Variants in XKR3 observed in about 807,000 individuals in gnomAD.
The protein encoded by XKR3 is XK related 3, also known as XK-related protein 3.
In XKR3, 27 loss-of-function variants were observed where a neutral mutation model predicts 40.3. The ratio of observed to expected loss-of-function variants is 0.67; its 90% CI spans 0.49 to 0.92. The LOEUF (loss-of-function observed/expected upper bound fraction) is 0.92. Among genes scored for constraint, XKR3 ranks in the 40% least tolerant of loss-of-function variants. XKR3 has a pLI of 0.00. For synonymous variants in XKR3, 193 were observed against 195.4 expected (o/e 0.99, Z 0.10); for missense variants, 472 against 537.6 (o/e 0.88, Z 1.21).
chr22:16,818,601 A>C (rs1432135041), intron 1 of XKR3, among the ~76,000 whole-genome samples: 1 of 152,120 alleles, frequency 6.6e-6, no homozygotes, highest in Non-Finnish European at 1.5e-5. Context: ...CAGAAAAAAA[A>C]CTACTACTTC....
At chr22:16,794,615 C>A (rs2060133118) in intron 3 of XKR3, among the ~76,000 whole-genome samples, 1 of 152,190 alleles carries the variant, frequency 6.6e-6, no homozygotes, top group Non-Finnish European at 1.5e-5. Context: ...CAAAAGCACA[C>A]TTAAGCGCAA....
intron 3 of XKR3, among the ~76,000 whole-genome samples, chr22:16,794,841 T>C (rs1432646984): frequency 1.3e-5 from 2 of 152,156 alleles, no homozygotes; most frequent in Non-Finnish European, 2.9e-5. Flanking sequence ...GTAAGATCCA[T>C]CATGCTAATG....
intron 3 of XKR3, among the ~76,000 whole-genome samples, chr22:16,791,198 C>G (rs1473465170): frequency 6.6e-6 from 1 of 151,338 alleles, no homozygotes; most frequent in African/African-American, 2.4e-5. Flanking sequence ...TACATATACA[C>G]AATGGAAGAG....
Position 16,808,018 on chromosome 22 carries a change from G to C in XKR3, c.56C>G (p.Ser19Trp). Residue 19 changes from serine (S) to tryptophan (W), a missense_variant, in exon 2 of 4, where the codon TCG becomes TGG. By Grantham distance (177) the Ser-to-Trp change is radical (BLOSUM62 -3). Coordinates refer to ENST00000684488, the MANE Select transcript of XKR3 (RefSeq NM_001386955.1). ...DEESTGGVSS[S>W]KEEIVLGQRL... ...CTGGCCAAGGACTATTTCTTCTTTCGAAGATGAAACTCCTCCTGTGCTTTC... is the reference window on the plus strand; with the variant it reads ...CTGGCCAAGGACTATTTCTTCTTTCCAAGATGAAACTCCTCCTGTGCTTTC... The C allele has an allele frequency of 6.2e-7, 1 of 1,613,284 alleles. No homozygotes were observed. The highest frequency in any genetic ancestry group is 8.5e-7 in the Non-Finnish European group (1 of 1,179,692).
At chr22:16,816,850 C>T (rs189686666) in intron 1 of XKR3, among the ~76,000 whole-genome samples, 116 of 152,014 alleles carry the variant, frequency 7.6e-4, no homozygotes, top group African/African-American at 2.5e-3. Context: ...TCAGATATAA[C>T]ATGGAATTCC....
At chr22:16,800,498 C>T (rs2060164281) in intron 2 of XKR3, among the ~76,000 whole-genome samples, 1 of 152,038 alleles carries the variant, frequency 6.6e-6, no homozygotes, top group South Asian at 2.1e-4. Context: ...AAGGAAGGAC[C>T]CCAGATTTTC....
rs1478515472 is a variant in XKR3 at position 16,799,959 on chromosome 22, G to T, written c.401C>A (p.Thr134Asn). The change falls in exon 3 of 4, where the codon ACT becomes AAT. Residue 134 changes from threonine to asparagine, a missense_variant. Transcript: ENST00000684488. The part of the protein sequence containing the change: ...LKNLKQEKEE[T>N]QVSITKRNTM... Reference sequence around the variant, plus strand: ...GTTTCTCTTTGTGATGCTAACTTGAGTCTCTTCCTTCTCCTGTTTAAGATT... The same window carrying T: ...GTTTCTCTTTGTGATGCTAACTTGATTCTCTTCCTTCTCCTGTTTAAGATT... The T allele has an allele frequency of 6.2e-7, 1 of 1,614,108 alleles. No homozygotes were observed. Among genetic ancestry groups the T allele is most frequent in the Non-Finnish European group, 8.5e-7 (1 of 1,180,010 alleles).
intron 3 of XKR3, among the ~76,000 whole-genome samples, chr22:16,792,037 G>A (rs1411091992): frequency 1.4e-4 from 22 of 152,136 alleles, no homozygotes; most frequent in African/African-American, 4.3e-4. Flanking sequence ...CGTCTGCTGG[G>A]TTCAAGCCAT....
In XKR3 at chr22:16,825,326, G is replaced by T. The variant is rs966653124; in HGVS notation, c.-46C>A. On this transcript the variant is annotated 5_prime_UTR_variant, in exon 1 of 4. Transcript: ENST00000684488. ...TGCCACCCTCACAGTTTTGAAACTC[G>T]TTCAAAAAGTAAATGCTTTTGTTCA... is the stretch of plus-strand genomic sequence containing the variant. Among the ~76,000 whole-genome samples the T allele has an allele frequency of 6.6e-6, 1 of 152,146 alleles. No homozygotes were observed. The highest frequency in any genetic ancestry group is 1.9e-4 in the East Asian group (1 of 5,204).
intron 1 of XKR3, chr22:16,821,753 G>A (rs1459361627): frequency 6.6e-6 from 1 of 152,046 alleles, no homozygotes; most frequent in Non-Finnish European, 1.5e-5. Flanking sequence ...TAGGCAGCAG[G>A]TATCTAGGAA....
intron 1 of XKR3, among the ~76,000 whole-genome samples, chr22:16,815,613 G>A (rs1601851070): frequency 6.6e-6 from 1 of 151,960 alleles, no homozygotes; most frequent in East Asian, 1.9e-4. Flanking sequence ...GTAAGTAGAA[G>A]GTATATAGTG....
chr22:16,796,295 A>G (rs2146151286), intron 3 of XKR3, among the ~76,000 whole-genome samples: 1 of 152,186 alleles, frequency 6.6e-6, no homozygotes, highest in East Asian at 1.9e-4. Context: ...ATTCATAACA[A>G]CGCTATTATA....
Position 16,783,753 on chromosome 22 carries a change from G to C in XKR3, c.1246C>G (p.Gln416Glu). The change falls in exon 4 of 4, where the codon CAG (glutamine) becomes GAG (glutamate). Residue 416 changes from glutamine to glutamate, a missense_variant. Coordinates refer to ENST00000684488, the MANE Select transcript of XKR3 (RefSeq NM_001386955.1). ...GKVLPGRTENQPEAPYYYVNI... is the reference protein window; with the variant it reads ...GKVLPGRTENEPEAPYYYVNI... ...ACATAATAGTACGGTGCTTCTGGCT[G>C]ATTTTCAGTACGTCCTGGCAACACT... 6.2e-6 allele frequency: 10 copies of C among 1,614,146 alleles called. No homozygotes were observed. Among genetic ancestry groups the C allele is most frequent in the Non-Finnish European group, 8.5e-6 (10 of 1,180,046 alleles).
intron 2 of XKR3, among the ~76,000 whole-genome samples, chr22:16,801,501 C>T (rs1284743324): frequency 2.0e-5 from 3 of 152,094 alleles, no homozygotes; most frequent in Non-Finnish European, 4.4e-5. Flanking sequence ...GAGATTACAC[C>T]ACTGCTCTCC....
chr22:16,789,774 C>A (rs1487552003), intron 3 of XKR3, among the ~76,000 whole-genome samples: 2 of 152,138 alleles, frequency 1.3e-5, no homozygotes, highest in Non-Finnish European at 2.9e-5. Context: ...GGAGGCATCA[C>A]AATGCTATAA....
At position 16,783,743 on chromosome 22, in the gene XKR3, G is replaced by T. The variant is rs2060075822; in HGVS notation, c.1256C>A (p.Ala419Glu). 11 of 1,614,118 alleles carry T rather than the reference G, an allele frequency of 6.8e-6. No individual in the cohort carries two copies. The Admixed American group carries it at 1.5e-4, about 22-fold the overall frequency. ...CTCGATGTTTACATAATAGTACGGT[G>T]CTTCTGGCTGATTTTCAGTACGTCC... is the stretch of plus-strand genomic sequence containing the variant. ...LPGRTENQPEAPYYYVNIEKT... is the reference protein window; with the variant it reads ...LPGRTENQPEEPYYYVNIEKT... Residue 419 changes from alanine (A) to glutamate (E), a missense_variant, in exon 4 of 4, where the codon GCA (alanine) becomes GAA (glutamate). Physicochemically the swap from Ala to Glu is moderately radical, Grantham distance 107. Coordinates refer to ENST00000684488, the MANE Select transcript of XKR3 (RefSeq NM_001386955.1).
At chr22:16,786,256 G>GCACACACACA (rs750668264) in intron 3 of XKR3, among the ~76,000 whole-genome samples, 3,747 of 148,556 alleles carry the variant, frequency 0.025, 99 homozygotes, top group East Asian at 0.059. Flanking sequence ...CAAAACGCGT[G>GCACACACACA]CACACACACA....
In XKR3 at chr22:16,814,277, A is replaced by G. The variant is rs143830636; in HGVS notation, c.-10-6194T>C. Reference sequence around the variant, plus strand: ...CTCAGCTCCATTTCTTGAGATTTTGACTATGTTTCCTCATTTACTTATCTT... The same window carrying G: ...CTCAGCTCCATTTCTTGAGATTTTGGCTATGTTTCCTCATTTACTTATCTT... On this transcript the variant is annotated intron_variant, in intron 1 of 3. Coordinates refer to ENST00000684488, the MANE Select transcript of XKR3 (RefSeq NM_001386955.1). Among the ~76,000 whole-genome samples, 333 of 152,206 alleles carry G rather than the reference A, an allele frequency of 2.2e-3. 2 individuals are homozygous for G. The highest frequency in any genetic ancestry group is 4.0e-3 in the Non-Finnish European group (274 of 67,990).
At chr22:16,806,267 A>AAAAAAG (rs1322774413) in intron 2 of XKR3, among the ~76,000 whole-genome samples, 9 of 145,840 alleles carry the variant, frequency 6.2e-5, no homozygotes, top group Admixed American at 5.6e-4. Context: ...TCTCAAAAAA[A>AAAAAAG]AAAAGAAAAA....
Sources: allele counts gnomAD v4.1 joint callset (sites outside exome capture counted in the v4.1 genomes callset), GRCh38; gene constraint gnomAD v4.1.1; transcripts MANE v1.5; gene names NCBI Gene and HGNC (gene_info 2026-07-23, HGNC 2026-07-21).